The following RTN4 variants were observed in gnomAD, a reference collection of about 807,000 sequenced individuals.
RTN4 encodes reticulon 4.
In RTN4, 32 loss-of-function variants were observed where a neutral mutation model predicts 90.4. The ratio of observed to expected loss-of-function variants is 0.35; its 90% confidence interval spans 0.27 to 0.48. The LOEUF is 0.48. RTN4 is among the 20% of genes least tolerant of loss of function. The pLI is 0.99. For missense variants in RTN4, 1,706 were observed against 1,430.2 expected, an observed-to-expected ratio of 1.19 and a Z score of -3.11; for synonymous variants, 629 against 552.5, an observed-to-expected ratio of 1.14 and a Z score of -1.94.
At chr2:54,999,754 A>G (rs1407998855) in intron 3 of RTN4, among the ~76,000 whole-genome samples, 1 of 152,168 alleles carries the variant, frequency 6.6e-6, no homozygotes, top group Non-Finnish European at 1.5e-5. Context: ...AAATGCCAGG[A>G]AAAGTAATTA....
intron 3 of RTN4, among the ~76,000 whole-genome samples, chr2:55,022,896 A>C (rs1440589943): frequency 7.3e-6 from 1 of 137,390 alleles, no homozygotes. Flanking sequence ...TTCAACATCC[A>C]ACACACACAC....
intron 2 of RTN4, among the ~76,000 whole-genome samples, chr2:55,061,286 A>C (rs1279285903): frequency 6.6e-6 from 1 of 151,700 alleles, no homozygotes; most frequent in East Asian, 1.9e-4. Context: ...CTGGTCTCAA[A>C]CTCCTGACCT....
intron 2 of RTN4, among the ~76,000 whole-genome samples, chr2:55,066,289 T>G (rs1009342945): frequency 1.3e-5 from 2 of 152,068 alleles, no homozygotes; most frequent in African/African-American, 4.8e-5. Context: ...CACAGGAAAT[T>G]GTTTTGATAG....
intron 3 of RTN4, among the ~76,000 whole-genome samples, chr2:55,018,040 A>G (rs1681168808): frequency 1.3e-5 from 2 of 152,220 alleles, no homozygotes; most frequent in Non-Finnish European, 2.9e-5. Flanking sequence ...AGTTAGCCCA[A>G]TGTCTGAAAC....
chr2:55,029,101 A>G (rs1040511218), intron 1 of RTN4, among the ~76,000 whole-genome samples: 33 of 152,162 alleles, frequency 2.2e-4, no homozygotes, highest in Admixed American at 1.4e-3. Flanking sequence ...TTACAAGAAG[A>G]GACACCAGAG....
chr2:55,005,984 G>A (rs1203399928), intron 3 of RTN4, among the ~76,000 whole-genome samples: 1 of 152,036 alleles, frequency 6.6e-6, no homozygotes, highest in Non-Finnish European at 1.5e-5. Context: ...TGTTCAACCT[G>A]TACTTGCAAA....
intron 3 of RTN4, chr2:55,010,081 A>G: frequency 6.2e-7 from 1 of 1,613,382 alleles, no homozygotes; most frequent in Non-Finnish European, 8.5e-7. Context: ...TAAAAAGCAG[A>G]TATACCCTTG....
upstream of RTN4, among the ~76,000 whole-genome samples, chr2:55,055,113 T>G (rs185667142): frequency 2.0e-5 from 3 of 152,072 alleles, no homozygotes; most frequent in Non-Finnish European, 4.4e-5. Flanking sequence ...CTCCTTTAAC[T>G]GTTTTCGGTC....
At position 55,050,304 on chromosome 2, in the gene RTN4, T is replaced by G. The variant is rs1299493795; in HGVS notation, c.-4A>C. ...GAGACTGGTCCAGGTCTTCCATGGC[T>G]GGAGGGTGGAGATGATGCTGCAGCT... On this transcript the variant is annotated 5_prime_UTR_variant, in exon 1 of 9. Transcript: ENST00000337526. This position sits in a 1 kb window ranked among gnomAD's most constrained non-coding sequence, Gnocchi z 4.6. The G allele has an allele frequency of 2.8e-6, 4 of 1,416,570 alleles. No individual in the cohort carries two copies. Among genetic ancestry groups the G allele is most frequent in the Admixed American group, 2.8e-5 (1 of 35,394 alleles). 87.8% of individuals were successfully genotyped at this position (1,416,570 alleles called of 1,614,324 possible).
At position 55,049,833 on chromosome 2, in the gene RTN4, C is replaced by T; in HGVS notation, c.468G>A (p.Glu156=). 7.7e-7 allele frequency: 1 copy of T among 1,306,814 alleles called. No homozygotes were observed. Among genetic ancestry groups the T allele is most frequent in the Non-Finnish European group, 9.7e-7 (1 of 1,029,804 alleles). 81.0% of individuals were successfully genotyped at this position (1,306,814 alleles called of 1,614,324 possible). The change falls in exon 1 of 9, where the codon GAG becomes GAA. Residue 156 remains glutamate, a synonymous_variant. Transcript: ENST00000337526. The part of the protein sequence containing the change: ...PPPASVSPQA[E]PVWTPPAPAP... Reference sequence around the variant, plus strand: ...CCGGGGCTGGCGGGGTCCACACGGGCTCTGCCTGGGGGCTCACGCTGGCCG... The same window carrying T: ...CCGGGGCTGGCGGGGTCCACACGGGTTCTGCCTGGGGGCTCACGCTGGCCG...
the RTN4 span, among the ~76,000 whole-genome samples, chr2:55,121,391 G>C: frequency 1.3e-5 from 2 of 152,232 alleles, no homozygotes; most frequent in African/African-American, 2.4e-5. Flanking sequence ...ATCACTAAGA[G>C]ATACTGTGAA....
chr2:55,077,354 C>CG (rs1279673539), intron 2 of RTN4, among the ~76,000 whole-genome samples: 25 of 152,018 alleles, frequency 1.6e-4, no homozygotes, highest in Admixed American at 1.6e-3. Context: ...GACTAATATA[C>CG]TACTTATCAG....
At chr2:55,024,480 G>A (rs1009776527) in intron 3 of RTN4, among the ~76,000 whole-genome samples, 10 of 152,084 alleles carry the variant, frequency 6.6e-5, no homozygotes, top group Admixed American at 5.2e-4. Context: ...ATCACCTTGT[G>A]CAAATCACCT....
chr2:55,049,521 G>T lies in RTN4; in HGVS notation c.556+224C>A, dbSNP rs764147559. On this transcript the variant is annotated intron_variant, in intron 1 of 8. Transcript: ENST00000337526. ...AAAGTGGGAGCCGGGAGCGGTGCAC[G>T]TGTTCCCCGAAACCAAGACGGACAA... The T allele has an allele frequency of 5.0e-5, 35 of 698,434 alleles. 1 individual carries two copies. The highest frequency in any genetic ancestry group is 4.4e-4 in the South Asian group (26 of 59,510). 43.3% of individuals were successfully genotyped at this position (698,434 alleles called of 1,614,324 possible). A position where few individuals can be genotyped will look rare whatever the true frequency, so the allele number is the denominator to read the frequency against.
the RTN4 span, among the ~76,000 whole-genome samples, chr2:55,119,732 T>A: frequency 6.6e-6 from 1 of 152,196 alleles, no homozygotes; most frequent in East Asian, 1.9e-4. Context: ...AGGGCAACCT[T>A]GCTCCCAGAC....
upstream of RTN4, among the ~76,000 whole-genome samples, chr2:55,055,467 A>C (rs773390962): frequency 3.3e-5 from 5 of 152,146 alleles, no homozygotes; most frequent in Non-Finnish European, 5.9e-5. Context: ...CATTGATTCA[A>C]CTAAAACCAA....
At chr2:55,065,026 A>G (rs1156645836) in intron 2 of RTN4, among the ~76,000 whole-genome samples, 2 of 152,214 alleles carry the variant, frequency 1.3e-5, no homozygotes, top group African/African-American at 4.8e-5. Flanking sequence ...ATAAGCCAGT[A>G]AGCATATGCT....
intron 2 of RTN4, among the ~76,000 whole-genome samples, chr2:55,059,514 T>G (rs1385668908): frequency 6.6e-6 from 1 of 152,024 alleles, no homozygotes; most frequent in South Asian, 2.1e-4. Context: ...CCACCACACC[T>G]GGCTAATTTT....
chr2:55,065,128 G>A (rs921975628), intron 2 of RTN4, among the ~76,000 whole-genome samples: 2 of 152,194 alleles, frequency 1.3e-5, no homozygotes, highest in Non-Finnish European at 2.9e-5. Context: ...TACTCTCATA[G>A]GATGTCTTCT....
Sources: gnomAD v4.1 joint callset for allele counts (sites outside exome capture counted in the v4.1 genomes callset) on GRCh38, gnomAD v4.1.1 for gene constraint, Gnocchi (gnomAD v3.1) non-coding constraint, MANE v1.5 for transcripts, NCBI Gene and HGNC (gene_info 2026-07-23, HGNC 2026-07-21) for gene names.